The following ANKRD30B variants were observed in gnomAD, a reference collection of about 807,000 sequenced individuals.
ANKRD30B encodes the protein ankyrin repeat domain-containing protein 30B.
Under a neutral mutation model 202.2 loss-of-function variants are expected in ANKRD30B, and 144 were observed. The ratio of observed to expected loss-of-function variants is 0.71; its 90% CI spans 0.62 to 0.82. The LOEUF (loss-of-function observed/expected upper bound fraction) is 0.82. Ranked by LOEUF, ANKRD30B falls within the 40% of genes least tolerant of loss-of-function variation. The probability of loss-of-function intolerance (pLI) is 0.00; values close to 1 mark genes in which losing one functional copy is unlikely to be tolerated. For synonymous variants in ANKRD30B, 508 were observed against 561.3 expected, an observed-to-expected ratio of 0.91 and a Z score of 1.34; for missense variants, 1,487 against 1,669.1, an observed-to-expected ratio of 0.89 and a Z score of 1.90.
In ANKRD30B at chr18:14,755,472, G is replaced by A. The variant is rs140051779; in HGVS notation, c.617+467G>A. ...GTGCAGGTTTGTTACATATGTATAC[G>A]TGTGCCATGTTGGTGGGCTGCACCC... On this transcript the variant is annotated intron_variant, in intron 4 of 43. Transcript: ENST00000690538. 2.9e-3 allele frequency among the ~76,000 whole-genome samples: 434 copies of A among 151,598 alleles called. 3 individuals carry two copies. The highest frequency in any genetic ancestry group is 9.6e-3 in the African/African-American group (398 of 41,336).
Position 14,763,677 on chromosome 18 carries a change from G to A in ANKRD30B, c.821-9G>A. The stretch of plus-strand genomic sequence containing the variant: ...GAAAGAAAATTTAACCAGATTGTGT[G>A]TTTGGCAGAAGGAACATCTACAGGA... On this transcript the variant is annotated splice_polypyrimidine_tract_variant and intron_variant, in intron 6 of 43. Coordinates refer to ENST00000690538, the MANE Select transcript of ANKRD30B (RefSeq NM_001367607.2). 6.2e-7 allele frequency: 1 copy of A among 1,613,120 alleles called. No homozygotes were observed. The highest frequency in any genetic ancestry group is 8.5e-7 in the Non-Finnish European group (1 of 1,179,668).
chr18:14,772,447 C>T (rs1223131774), intron 9 of ANKRD30B, among the ~76,000 whole-genome samples: 1 of 150,402 alleles, frequency 6.6e-6, no homozygotes, highest in African/African-American at 2.4e-5. Context: ...GGTGTGAGGG[C>T]CGAAAAATGG....
chr18:14,876,048 G>C, the ANKRD30B span, among the ~76,000 whole-genome samples: 3 of 152,206 alleles, frequency 2.0e-5, no homozygotes, highest in East Asian at 5.8e-4. Context: ...AGCAAGCCAA[G>C]TGTGCTTTGG....
chr18:14,782,260 C>G (rs1176332334), intron 11 of ANKRD30B, among the ~76,000 whole-genome samples: 1 of 152,158 alleles, frequency 6.6e-6, no homozygotes, highest in African/African-American at 2.4e-5. Flanking sequence ...TTGAAATATG[C>G]AGATGAGTGA....
At chr18:14,771,356 C>T (rs1293702663) in intron 8 of ANKRD30B, among the ~76,000 whole-genome samples, 16 of 152,116 alleles carry the variant, frequency 1.1e-4, no homozygotes, top group Admixed American at 1.0e-3. Flanking sequence ...ATCCAACTAT[C>T]AGGTCTCAGT....
At chr18:14,828,430 A>G in intron 33 of ANKRD30B, 122 bp downstream of exon 33, 1 of 704,400 alleles carries the variant, frequency 1.4e-6, no homozygotes, top group Non-Finnish European at 2.3e-6. Context: ...AATATTTATC[A>G]TCTCACATAG....
At position 14,796,215 on chromosome 18, in the gene ANKRD30B, G is replaced by T. The variant is rs9303863; in HGVS notation, c.1826-6G>T. On this transcript the variant is annotated splice_region_variant and splice_polypyrimidine_tract_variant and intron_variant, in intron 16 of 43. Transcript: ENST00000690538. ...TAATCAATTATATATGTCCCTTTAC[G>T]TTTAGAGTCTCCTGTTAAAGATGGT... The T allele has an allele frequency of 0.53, 835,603 of 1,584,014 alleles. 223,410 individuals carry two copies. Among genetic ancestry groups the T allele is most frequent in the African/African-American group, 0.72 (53,296 of 73,976 alleles).
chr18:14,820,068 G>A (rs1165686136), intron 30 of ANKRD30B, among the ~76,000 whole-genome samples: 1 of 151,998 alleles, frequency 6.6e-6, no homozygotes, highest in African/African-American at 2.4e-5. Flanking sequence ...TCCTTGAAGA[G>A]GTCCTTCACA....
chr18:14,868,682 A>G, the ANKRD30B span, among the ~76,000 whole-genome samples: 2 of 152,286 alleles, frequency 1.3e-5, no homozygotes, highest in Non-Finnish European at 2.9e-5. Flanking sequence ...TATCACTTGT[A>G]TCATCAAAGA....
At chr18:14,778,984 GA>G (rs1967554790) in intron 10 of ANKRD30B, among the ~76,000 whole-genome samples, 1 of 152,096 alleles carries the variant, frequency 6.6e-6, no homozygotes, top group African/African-American at 2.4e-5. Context: ...TAAACAAAGA[GA>G]AAAAAAGTGT....
At position 14,776,929 on chromosome 18, in the gene ANKRD30B, A is replaced by G. The variant is rs556200078; in HGVS notation, c.1330-1056A>G. On this transcript the variant is annotated intron_variant, in intron 9 of 43. Coordinates refer to ENST00000690538, the MANE Select transcript of ANKRD30B (RefSeq NM_001367607.2). Reference sequence around the variant, plus strand: ...TCAGCTTCTACAGAGTTCTACTCCTACTCCGCATGACATACTCTGAAAATT... The same window carrying G: ...TCAGCTTCTACAGAGTTCTACTCCTGCTCCGCATGACATACTCTGAAAATT... Among the ~76,000 whole-genome samples, 6 of 152,258 alleles carry G rather than the reference A, an allele frequency of 3.9e-5. No individual in the cohort carries two copies. The South Asian group carries it at 6.2e-4, about 16-fold the overall frequency.
At chr18:14,820,442 G>C (rs1007987562) in intron 30 of ANKRD30B, among the ~76,000 whole-genome samples, 3 of 152,158 alleles carry the variant, frequency 2.0e-5, no homozygotes, top group African/African-American at 7.2e-5. Context: ...TATTGTGCCA[G>C]TTTTCAAAGG....
the ANKRD30B span, among the ~76,000 whole-genome samples, chr18:14,868,397 T>G: frequency 2.0e-5 from 3 of 152,296 alleles, no homozygotes; most frequent in Non-Finnish European, 4.4e-5. Context: ...GTTTTGTTCT[T>G]AACAGAATTT....
the ANKRD30B span, among the ~76,000 whole-genome samples, chr18:14,904,421 G>A: frequency 2.4e-4 from 36 of 152,124 alleles, no homozygotes; most frequent in Non-Finnish European, 4.4e-4. Context: ...TTGGGGGACT[G>A]TTCTATTTTG....
intron 30 of ANKRD30B, chr18:14,816,871 C>G (rs1234573685): frequency 6.6e-6 from 1 of 152,098 alleles, no homozygotes; most frequent in Non-Finnish European, 1.5e-5. Context: ...GACAAAAAAC[C>G]AAACACTGCG....
At chr18:14,751,545 A>T (rs1006109703) in intron 1 of ANKRD30B, among the ~76,000 whole-genome samples, 1 of 25,330 alleles carries the variant, frequency 3.9e-5, no homozygotes, top group Non-Finnish European at 9.7e-5. Context: ...ACTACCAACC[A>T]GGTTTTGGAA....
chr18:14,799,759 G>A (rs911241861), intron 22 of ANKRD30B, among the ~76,000 whole-genome samples: 3 of 152,018 alleles, frequency 2.0e-5, no homozygotes, highest in Admixed American at 2.0e-4. Context: ...GTGTGTGTGT[G>A]TGTGACATAT....
In ANKRD30B at chr18:14,748,631, T is replaced by G. The variant is rs770204084; in HGVS notation, c.212T>G (p.Met71Arg). ...CCCGTCAACCTGAACAAAAGAGATA[T>G]GAAGAAGAGGTACCAGGCCCTGCCT... Reference protein sequence around the residue: ...KKPVNLNKRDMKKRTALHWAC... With the variant: ...KKPVNLNKRDRKKRTALHWAC... The change falls in exon 1 of 44, where the codon ATG (methionine) becomes AGG (arginine). Residue 71 changes from methionine to arginine, a missense_variant. Transcript: ENST00000690538. 11 of 1,561,182 alleles carry G rather than the reference T, an allele frequency of 7.0e-6. No individual in the cohort carries two copies. In the African/African-American group the frequency reaches 1.2e-4, roughly 17 times the overall value.
At chr18:14,831,916 A>G (rs985508831) in intron 34 of ANKRD30B, among the ~76,000 whole-genome samples, 8 of 152,226 alleles carry the variant, frequency 5.3e-5, no homozygotes, top group Admixed American at 3.9e-4. Flanking sequence ...TAATCAAGGA[A>G]TCTGTCTGAT....
Sources: allele counts gnomAD v4.1 joint callset (sites outside exome capture counted in the v4.1 genomes callset), GRCh38; gene constraint gnomAD v4.1.1; transcripts MANE v1.5; gene names NCBI Gene and HGNC (gene_info 2026-07-23, HGNC 2026-07-21).